Variants in KIF3C observed in about 807,000 individuals in gnomAD.
KIF3C encodes kinesin family member 3C.
KIF3C carries 12 observed loss-of-function variants against 67.7 expected under a neutral mutation model. That is an observed-to-expected ratio of 0.18 (90% CI 0.11 to 0.29). The LOEUF is 0.29. Ranked by LOEUF, KIF3C falls within the 10% of genes least tolerant of loss-of-function variation. KIF3C has a pLI of 1.00. For missense variants in KIF3C, 789 were observed against 1,059.6 expected, an observed-to-expected ratio of 0.74 and a Z score of 3.55; for synonymous variants, 393 against 426.2, an observed-to-expected ratio of 0.92 and a Z score of 0.96.
intron 5 of KIF3C, among the ~76,000 whole-genome samples, chr2:25,946,414 G>T (rs1663434698): frequency 1.3e-5 from 2 of 151,842 alleles, no homozygotes; most frequent in Non-Finnish European, 2.9e-5. Context: ...AATTAGGCCG[G>T]GCATGGTGGC....
chr2:25,981,196 T>C lies in KIF3C; in HGVS notation c.722A>G (p.Lys241Arg). ...GCCAGCCAGGTCCACGAGGTTGAGCTTGCCCACTCGGATGTGGTCCTGGCC... is the reference window on the plus strand; with the variant it reads ...GCCAGCCAGGTCCACGAGGTTGAGCCTGCCCACTCGGATGTGGTCCTGGCC... ...SDGQDHIRVG[K>R]LNLVDLAGSE... Residue 241 changes from lysine (K) to arginine (R), a missense_variant, in exon 1 of 8, where the codon AAG becomes AGG. Lys to Arg is a conservative substitution (Grantham distance 26). Coordinates refer to ENST00000264712, the MANE Select transcript of KIF3C (RefSeq NM_002254.8). This position sits in a 1 kb window ranked among gnomAD's most constrained non-coding sequence, Gnocchi z 8.2. 1 of 1,614,110 alleles carries C rather than the reference T, an allele frequency of 6.2e-7. No individual in the cohort carries two copies. The highest frequency in any genetic ancestry group is 8.5e-7 in the Non-Finnish European group (1 of 1,180,034).
intron 1 of KIF3C, among the ~76,000 whole-genome samples, chr2:25,975,412 T>G (rs1365155554): frequency 6.6e-6 from 1 of 152,174 alleles, no homozygotes; most frequent in African/African-American, 2.4e-5. Context: ...TCCACCCACC[T>G]TGGCTTCCCA....
intron 5 of KIF3C, among the ~76,000 whole-genome samples, chr2:25,932,482 T>G (rs1014664531): frequency 5.9e-5 from 9 of 151,988 alleles, no homozygotes; most frequent in African/African-American, 1.4e-4. Context: ...GGTTAAAAAC[T>G]CAGGCTTGAA....
At chr2:25,947,703 C>A (rs1663484136) in intron 5 of KIF3C, among the ~76,000 whole-genome samples, 1 of 151,622 alleles carries the variant, frequency 6.6e-6, no homozygotes, top group African/African-American at 2.4e-5. Flanking sequence ...ACCATTTTAA[C>A]CCTCAAAAGG....
chr2:25,975,232 C>T (rs1664382722), intron 1 of KIF3C, among the ~76,000 whole-genome samples: 1 of 151,332 alleles, frequency 6.6e-6, no homozygotes, highest in African/African-American at 2.4e-5. Flanking sequence ...GCAATCAAGG[C>T]TCACTGCAGC....
Position 25,982,093 on chromosome 2 carries a change from C to T in KIF3C, c.-176G>A. ...AGGTGGCCCCAACGCTGCTGCAGTCCGGGCCTCCACCGCTCTCCGGTCCTC... is the reference window on the plus strand; with the variant it reads ...AGGTGGCCCCAACGCTGCTGCAGTCTGGGCCTCCACCGCTCTCCGGTCCTC... On this transcript the variant is annotated 5_prime_UTR_variant, in exon 1 of 8. Transcript: ENST00000264712. 1 of 543,482 alleles carries T rather than the reference C, an allele frequency of 1.8e-6. No individual in the cohort carries two copies. The allele number at this position is 543,482 out of a possible 1,614,324, so 33.7% of individuals were successfully genotyped here.
chr2:25,962,840 T>C (rs1334165447), intron 1 of KIF3C, among the ~76,000 whole-genome samples: 4 of 64,064 alleles, frequency 6.2e-5, no homozygotes, highest in African/African-American at 3.3e-4. Context: ...ATATAAAATA[T>C]ATAATATATA....
intron 1 of KIF3C, among the ~76,000 whole-genome samples, chr2:25,967,128 CT>C: frequency 6.6e-6 from 1 of 152,318 alleles, no homozygotes; most frequent in East Asian, 1.9e-4. Context: ...ATCAGGAAAG[CT>C]CAGAGCCTCC....
chr2:25,977,081 T>C (rs1309517083), intron 1 of KIF3C, among the ~76,000 whole-genome samples: 1 of 142,620 alleles, frequency 7.0e-6, no homozygotes, highest in Non-Finnish European at 1.5e-5. Flanking sequence ...TAATGATTAC[T>C]GATAAACAGG....
chr2:25,963,194 ATATTT>A (rs1664049091), intron 1 of KIF3C, among the ~76,000 whole-genome samples: 3 of 52,856 alleles, frequency 5.7e-5, no homozygotes, highest in South Asian at 5.5e-4. Flanking sequence ...ATATATATAT[ATATTT>A]TTTTTTTTTT....
chr2:25,981,798 G>A lies in KIF3C; in HGVS notation c.120C>T (p.Gly40=), dbSNP rs748179598. Residue 40 remains glycine (G), a synonymous_variant, in exon 1 of 8, where the codon GGC becomes GGT. Transcript: ENST00000264712. The surrounding 1 kb of genome is among the most constrained non-coding windows in gnomAD (Gnocchi z 8.2). ...CGCGGGGGTTCCGCAGGGTCACCTG[G>A]CCCAGTTTCACGTCCATGGTCAGGA... is the stretch of plus-strand genomic sequence containing the variant. ...EQILTMDVKL[G]QVTLRNPRAA... 5.1e-5 allele frequency: 83 copies of A among 1,613,262 alleles called. No homozygotes were observed. Among genetic ancestry groups the A allele is most frequent in the Non-Finnish European group, 7.0e-5 (83 of 1,179,708 alleles).
rs1418352743 is a variant in KIF3C at position 25,980,805 on chromosome 2, C to T, written c.1113G>A (p.Val371=). The T allele has an allele frequency of 1.2e-6, 2 of 1,614,208 alleles. No individual in the cohort carries two copies. Among genetic ancestry groups the T allele is most frequent in the South Asian group, 2.2e-5 (2 of 91,082 alleles). Residue 371 remains valine, a synonymous_variant, in exon 1 of 8, where the codon GTG becomes GTA. Coordinates refer to ENST00000264712, the MANE Select transcript of KIF3C (RefSeq NM_002254.8). The surrounding 1 kb of genome is among the most constrained non-coding windows in gnomAD (Gnocchi z 7.6). Reference sequence around the variant, plus strand: ...GCAGTGTGTCCTTGGGGTCCTCGTTCACCCGGGGCTTGTTCTTGATGTTCT... The same window carrying T: ...GCAGTGTGTCCTTGGGGTCCTCGTTTACCCGGGGCTTGTTCTTGATGTTCT... ...RAKNIKNKPR[V]NEDPKDTLLR...
In KIF3C at chr2:25,962,579, G is replaced by A. The variant is rs563430598; in HGVS notation, c.1546-6135C>T. Among the ~76,000 whole-genome samples the A allele has an allele frequency of 6.7e-5, 10 of 149,362 alleles. No individual in the cohort carries two copies. The East Asian group carries it at 1.8e-3, about 27-fold the overall frequency. On this transcript the variant is annotated intron_variant, in intron 1 of 7. Transcript: ENST00000264712. ...TTTTGTAGAGACAGGGTTTCTCCAT[G>A]TTGGTCAGGCTGGTCTTGAACTCCC...
At position 25,929,994 on chromosome 2, in the gene KIF3C, A is replaced by C; in HGVS notation, c.2076T>G (p.Ala692=). 6.2e-7 allele frequency: 1 copy of C among 1,614,014 alleles called. No homozygotes were observed. The highest frequency in any genetic ancestry group is 1.7e-5 in the Admixed American group (1 of 60,020). The change falls in exon 6 of 8, where the codon GCT becomes GCG. Residue 692 remains alanine (A), a synonymous_variant. Coordinates refer to ENST00000264712, the MANE Select transcript of KIF3C (RefSeq NM_002254.8). ...VGYKRPISQY[A]RVAMAMGSHP... ...GGGACCCCATTGCCATGGCAACCCG[A>C]GCATACTGGCTGATAGGCCTCTTGT...
At chr2:25,969,354 T>TA (rs1288460234) in intron 1 of KIF3C, among the ~76,000 whole-genome samples, 1 of 152,162 alleles carries the variant, frequency 6.6e-6, no homozygotes, top group Non-Finnish European at 1.5e-5. Flanking sequence ...CTTTTTCCTT[T>TA]AAAAAATTCA....
intron 1 of KIF3C, among the ~76,000 whole-genome samples, chr2:25,961,947 C>CAA (rs201677055): frequency 0.048 from 4,414 of 92,396 alleles, 144 homozygotes; most frequent in African/African-American, 0.1. Flanking sequence ...GACTCCATCT[C>CAA]AAAAAAAAAA....
intron 1 of KIF3C, among the ~76,000 whole-genome samples, chr2:25,963,825 T>C (rs1201264633): frequency 3.3e-5 from 5 of 151,690 alleles, no homozygotes; most frequent in Non-Finnish European, 5.9e-5. Context: ...CCTGAGTAGC[T>C]GGGATTACAG....
rs1486145762 is a variant in KIF3C at position 25,951,827 on chromosome 2, C to T, written c.1968G>A (p.Glu656=). Residue 656 remains glutamate (E), a synonymous_variant, in exon 5 of 8, where the codon GAG becomes GAA. Coordinates refer to ENST00000264712, the MANE Select transcript of KIF3C (RefSeq NM_002254.8). ...IMNRLFLDCE[E]EQWKFQPLVP... ...CCAGTGGCTGGAACTTCCACTGCTC[C>T]TCCTCACAGTCCAGGAAAAGCCGGT... 3 of 1,614,060 alleles carry T rather than the reference C, an allele frequency of 1.9e-6. No homozygotes were observed. Among genetic ancestry groups the T allele is most frequent in the Non-Finnish European group, 2.5e-6 (3 of 1,179,926 alleles).
chr2:25,980,375 T>C lies in KIF3C; in HGVS notation c.1543A>G (p.Lys515Glu), dbSNP rs747399531. ...QATELLAAKY[K>E]AMESKLLIGG... ...CCCAGCTCCTCTGGGGCCCTTACCT[T>C]GTACTTGGCCGCAAGCAGCTCTGTG... Residue 515 changes from lysine (K) to glutamate (E), a missense_variant and splice_region_variant, in exon 1 of 8, where the codon AAG becomes GAG. Physicochemically the swap from Lys to Glu is moderately conservative, Grantham distance 56 (BLOSUM62 1). Around this residue, in one of 2 missense-constraint regions of KIF3C, gnomAD observed 648 missense variants for 807.8 expected, o/e 0.80. Coordinates refer to ENST00000264712, the MANE Select transcript of KIF3C (RefSeq NM_002254.8). The surrounding 1 kb of genome is among the most constrained non-coding windows in gnomAD (Gnocchi z 7.6). The C allele has an allele frequency of 3.7e-6, 6 of 1,611,868 alleles. No individual in the cohort carries two copies. The highest frequency in any genetic ancestry group is 1.3e-5 in the African/African-American group (1 of 74,818).
Sources: allele counts gnomAD v4.1 joint callset (sites outside exome capture counted in the v4.1 genomes callset), GRCh38; gene constraint gnomAD v4.1.1; regional missense constraint gnomAD v4.1.1; non-coding constraint Gnocchi (gnomAD v3.1); transcripts MANE v1.5; gene names NCBI Gene and HGNC (gene_info 2026-07-23, HGNC 2026-07-21).